SETBP1: variants seen among roughly 807,000 people sequenced by gnomAD.
The protein encoded by SETBP1 is SET binding protein 1, also known as SET-binding protein.
A neutral mutation model predicts 101.0 loss-of-function variants in SETBP1; 9 were observed. That is an observed-to-expected ratio of 0.09 (90% CI 0.05 to 0.16). The LOEUF (loss-of-function observed/expected upper bound fraction) is 0.16. SETBP1 is among the 10% of genes least tolerant of loss of function. The pLI, the probability that SETBP1 is intolerant of heterozygous loss-of-function variation, is 1.00. For missense variants in SETBP1, 1,858 were observed against 2,033.8 expected (o/e 0.91, Z 1.66); for synonymous variants, 818 against 788.5 (o/e 1.04, Z -0.63).
chr18:44,844,353 G>GCACACACA (rs35801562), intron 2 of SETBP1, among the ~76,000 whole-genome samples: 4 of 138,302 alleles, frequency 2.9e-5, no homozygotes, highest in African/African-American at 1.1e-4. Context: ...ACACACGCGC[G>GCACACACA]CACACACACA....
At position 45,063,496 on chromosome 18, in the gene SETBP1, TGCCGCCACC is replaced by T. The variant is rs777582770; in HGVS notation, c.4599_4607del (p.Pro1535_Pro1537del). ...CTGCCCCCGCCACCGCCGCCGCCCC[TGCCGCCACC>T]GCCGCCACCACCCCTGCCCCCGCCA... is the stretch of plus-strand genomic sequence containing the variant. On this transcript the variant is annotated inframe_deletion, in exon 6 of 6. Transcript: ENST00000649279. 1.1e-3 allele frequency: 1,034 copies of T among 904,884 alleles called. 5 individuals are homozygous for T. The highest frequency in any genetic ancestry group is 2.1e-3 in the South Asian group (69 of 32,202). The allele number at this position is 904,884 out of a possible 1,614,324, so 56.1% of individuals were successfully genotyped here.
chr18:44,848,355 A>G (rs550383457), intron 2 of SETBP1, among the ~76,000 whole-genome samples: 4 of 152,290 alleles, frequency 2.6e-5, no homozygotes, highest in African/African-American at 9.6e-5. Flanking sequence ...AAATGAGCAG[A>G]TTAGCACACC....
chr18:44,957,840 A>G (rs937313049), intron 4 of SETBP1, among the ~76,000 whole-genome samples: 1 of 152,258 alleles, frequency 6.6e-6, no homozygotes, highest in Non-Finnish European at 1.5e-5. Flanking sequence ...AAGAGGACTA[A>G]TGGGAGGAGA....
Position 44,769,043 on chromosome 18 carries a change from A to G in SETBP1, c.486+67211A>G, listed in dbSNP as rs145799108. ...ACTAAAATGGCAGGGAAGAGAGGAGAAAAAAACAAGATGAAGGGTCAGCTA... is the reference window on the plus strand; with the variant it reads ...ACTAAAATGGCAGGGAAGAGAGGAGGAAAAAACAAGATGAAGGGTCAGCTA... On this transcript the variant is annotated intron_variant, in intron 2 of 5. Transcript: ENST00000649279. Among the ~76,000 whole-genome samples, 282 of 152,204 alleles carry G rather than the reference A, an allele frequency of 1.9e-3. 2 individuals are homozygous for G. The highest frequency in any genetic ancestry group is 6.0e-3 in the African/African-American group (248 of 41,508).
intron 1 of SETBP1, among the ~76,000 whole-genome samples, chr18:44,699,655 G>A (rs917873145): frequency 2.0e-5 from 3 of 152,172 alleles, no homozygotes; most frequent in African/African-American, 7.2e-5. Context: ...TTCTTTTTCA[G>A]AAAAGCTGTA....
chr18:44,878,849 C>T (rs1278596947), intron 3 of SETBP1, among the ~76,000 whole-genome samples: 1 of 152,154 alleles, frequency 6.6e-6, no homozygotes, highest in Non-Finnish European at 1.5e-5. Flanking sequence ...AGAGAGGGGC[C>T]CTCATAGTGG....
chr18:44,869,462 G>A, intron 3 of SETBP1, 179 bp downstream of exon 3: 1 of 676,406 alleles, frequency 1.5e-6, no homozygotes. Context: ...TCTCATTCTA[G>A]CATGGACAAA....
chr18:44,802,283 G>C (rs575052794), intron 2 of SETBP1, among the ~76,000 whole-genome samples: 3 of 152,256 alleles, frequency 2.0e-5, no homozygotes, highest in African/African-American at 7.2e-5. Context: ...ATGGAAGAAA[G>C]ATTCATAGAT....
intron 3 of SETBP1, among the ~76,000 whole-genome samples, chr18:44,913,779 T>C (rs139087528): frequency 1.1e-3 from 160 of 152,348 alleles, no homozygotes; most frequent in African/African-American, 3.8e-3. Context: ...CTCTCAGGCA[T>C]CTTTGAATGG....
chr18:44,991,244 C>CAAAAAAAAAAAAA (rs55811938), intron 4 of SETBP1, among the ~76,000 whole-genome samples: 1 of 68,216 alleles, frequency 1.5e-5, no homozygotes, highest in Non-Finnish European at 2.8e-5. Context: ...CTGCATCTCA[C>CAAAAAAAAAAAAA]AAAAAAAAAA....
At chr18:44,855,832 A>C (rs2072964583) in intron 2 of SETBP1, among the ~76,000 whole-genome samples, 1 of 152,150 alleles carries the variant, frequency 6.6e-6, no homozygotes, top group Non-Finnish European at 1.5e-5. Context: ...ATGATGAGTG[A>C]TGGCATTGCG....
At chr18:44,853,001 T>C (rs1478600412) in intron 2 of SETBP1, among the ~76,000 whole-genome samples, 1 of 151,952 alleles carries the variant, frequency 6.6e-6, no homozygotes, top group Non-Finnish European at 1.5e-5. Flanking sequence ...AAGCCAAGAG[T>C]CCTCTGGGCT....
Position 44,949,918 on chromosome 18 carries a change from A to T in SETBP1, c.578A>T (p.Tyr193Phe). Reference protein sequence around the residue: ...ERPQKHSTLHYDTGLPQDFTG... With the variant: ...ERPQKHSTLHFDTGLPQDFTG... ...CCCCAGAAACATTCAACTCTCCATTATGACACGGGCCTCCCACAGGACTTC... is the reference window on the plus strand; with the variant it reads ...CCCCAGAAACATTCAACTCTCCATTTTGACACGGGCCTCCCACAGGACTTC... The change falls in exon 4 of 6, where the codon TAT becomes TTT. Residue 193 changes from tyrosine to phenylalanine, a missense_variant. Tyr to Phe is a conservative substitution (Grantham distance 22, BLOSUM62 3). Coordinates refer to ENST00000649279, the MANE Select transcript of SETBP1 (RefSeq NM_015559.3). The T allele has an allele frequency of 1.9e-6, 3 of 1,613,876 alleles. No individual in the cohort carries two copies. Among genetic ancestry groups the T allele is most frequent in the Non-Finnish European group, 2.5e-6 (3 of 1,179,994 alleles).
In SETBP1 at chr18:45,058,119, A is replaced by G. The variant is rs542260424; in HGVS notation, c.4172-4960A>G. On this transcript the variant is annotated intron_variant, in intron 5 of 5. Transcript: ENST00000649279. ...ATTTGTATTGCCGAGTTATGAAGAA[A>G]TGAATTTGCATTTTGCCTGGGCCAC... Among the ~76,000 whole-genome samples the G allele has an allele frequency of 4.6e-5, 7 of 152,370 alleles. No homozygotes were observed. In the East Asian group the frequency reaches 1.3e-3, roughly 29 times the overall value.
intron 5 of SETBP1, among the ~76,000 whole-genome samples, chr18:45,043,145 C>A (rs750361538): frequency 6.6e-6 from 1 of 152,104 alleles, no homozygotes; most frequent in Non-Finnish European, 1.5e-5. Context: ...GAACTAACTT[C>A]TCAGGGAGAT....
At chr18:44,936,314 T>G (rs886074013) in intron 3 of SETBP1, among the ~76,000 whole-genome samples, 4 of 152,206 alleles carry the variant, frequency 2.6e-5, no homozygotes, top group Non-Finnish European at 5.9e-5. Flanking sequence ...CAGTGAAATC[T>G]GGAGGCCACC....
chr18:44,924,124 T>C (rs965578148), intron 3 of SETBP1, among the ~76,000 whole-genome samples: 1 of 152,194 alleles, frequency 6.6e-6, no homozygotes, highest in Non-Finnish European at 1.5e-5. Flanking sequence ...GGCCCAGTTG[T>C]AGATGTGGGA....
At chr18:44,919,451 G>A (rs1375038676) in intron 3 of SETBP1, among the ~76,000 whole-genome samples, 2 of 151,296 alleles carry the variant, frequency 1.3e-5, no homozygotes, top group African/African-American at 4.9e-5. Context: ...CCTGGTTCAA[G>A]TGATTCTCCT....
chr18:44,866,372 T>TA (rs1274572340), intron 2 of SETBP1, among the ~76,000 whole-genome samples: 1 of 152,242 alleles, frequency 6.6e-6, no homozygotes, highest in Non-Finnish European at 1.5e-5. Flanking sequence ...CTCAGCAATT[T>TA]AGGTATTCTG....
Sources: allele counts gnomAD v4.1 joint callset (sites outside exome capture counted in the v4.1 genomes callset), GRCh38; gene constraint gnomAD v4.1.1; transcripts MANE v1.5; gene names NCBI Gene and HGNC (gene_info 2026-07-23, HGNC 2026-07-21).